UBAC2: variants seen among roughly 807,000 people sequenced by gnomAD.
UBAC2 encodes the protein UBA domain containing 2, also known as ubiquitin-associated domain-containing protein 2.
Under a neutral mutation model 44.0 loss-of-function variants are expected in UBAC2, and 26 were observed. The observed-to-expected ratio is 0.59, with a 90% confidence interval of 0.43 to 0.82. The LOEUF is 0.82. UBAC2 is among the 40% of genes least tolerant of loss of function. The pLI is 0.00. For missense variants in UBAC2, 329 were observed against 419.4 expected, an observed-to-expected ratio of 0.78 and a Z score of 1.88; for synonymous variants, 155 against 154.3, an observed-to-expected ratio of 1.00 and a Z score of -0.04.
intron 8 of UBAC2, among the ~76,000 whole-genome samples, chr13:99,383,092 G>A (rs1467604153): frequency 1.3e-5 from 2 of 152,228 alleles, no homozygotes; most frequent in African/African-American, 2.4e-5. Context: ...TCAGCCACCT[G>A]GCAGTGAGGC....
chr13:99,378,436 A>C (rs1273342064), intron 8 of UBAC2, among the ~76,000 whole-genome samples: 1 of 152,210 alleles, frequency 6.6e-6, no homozygotes, highest in Non-Finnish European at 1.5e-5. Flanking sequence ...CTGAGGCAGG[A>C]GAATGGCTTG....
At chr13:99,346,017 A>G (rs147946809) in intron 7 of UBAC2, among the ~76,000 whole-genome samples, 17 of 152,282 alleles carry the variant, frequency 1.1e-4, no homozygotes, top group African/African-American at 3.4e-4. Context: ...CTGGGATTAC[A>G]GGCGTGAGCC....
chr13:99,260,433 A>G (rs987122842), intron 4 of UBAC2, among the ~76,000 whole-genome samples: 4 of 152,166 alleles, frequency 2.6e-5, no homozygotes, highest in Admixed American at 2.0e-4. Context: ...GAATGGATAA[A>G]TGTCTGGGCC....
chr13:99,364,098 T>C (rs2045300261), intron 7 of UBAC2, among the ~76,000 whole-genome samples: 2 of 152,160 alleles, frequency 1.3e-5, no homozygotes, highest in South Asian at 2.1e-4. Context: ...ATTTGAATAA[T>C]GAGTTTTGTT....
chr13:99,241,171 C>T (rs780451316), intron 2 of UBAC2, among the ~76,000 whole-genome samples: 1 of 149,734 alleles, frequency 6.7e-6, no homozygotes, highest in African/African-American at 2.5e-5. Flanking sequence ...GGCTGAGCTG[C>T]GAGTATTGAT....
At chr13:99,222,470 A>C (rs1418818884) in intron 1 of UBAC2, among the ~76,000 whole-genome samples, 1 of 152,228 alleles carries the variant, frequency 6.6e-6, no homozygotes, top group African/African-American at 2.4e-5. Context: ...GTTGGTTGGT[A>C]TTAGTAGTTA....
chr13:99,200,889 G>A lies in UBAC2; in HGVS notation c.-20G>A, dbSNP rs750929509. The A allele has an allele frequency of 2.3e-6, 3 of 1,302,308 alleles. No individual in the cohort carries two copies. The highest frequency in any genetic ancestry group is 2.9e-5 in the South Asian group (1 of 35,008). 80.7% of individuals were successfully genotyped at this position (1,302,308 alleles called of 1,614,324 possible). A position where few individuals can be genotyped will look rare whatever the true frequency, so the allele number is the denominator to read the frequency against. On this transcript the variant is annotated 5_prime_UTR_variant, in exon 1 of 9. Coordinates refer to ENST00000403766, the MANE Select transcript of UBAC2 (RefSeq NM_001144072.2). ...TTCCCCTCCCCCGGCGCCCTCTGGG[G>A]CTCCGAGCCCGGCGGGACCATGTTC... is the stretch of plus-strand genomic sequence containing the variant.
intron 6 of UBAC2, among the ~76,000 whole-genome samples, chr13:99,330,555 C>T (rs1337681326): frequency 1.4e-5 from 2 of 145,848 alleles, no homozygotes; most frequent in African/African-American, 2.5e-5. Flanking sequence ...GGTAGCTTTT[C>T]TGTGGATTCC....
intron 1 of UBAC2, among the ~76,000 whole-genome samples, chr13:99,214,508 G>A (rs1055309725): frequency 2.0e-5 from 3 of 152,170 alleles, no homozygotes; most frequent in Non-Finnish European, 4.4e-5. Flanking sequence ...GTAGGTGGTG[G>A]TGGGGGAAGC....
chr13:99,208,276 C>T (rs1484558855), intron 1 of UBAC2, among the ~76,000 whole-genome samples: 4 of 152,200 alleles, frequency 2.6e-5, no homozygotes, highest in African/African-American at 4.8e-5. Flanking sequence ...GGATTACAGG[C>T]ATGAGCCACC....
intron 7 of UBAC2, among the ~76,000 whole-genome samples, chr13:99,342,940 G>A (rs2044914649): frequency 1.3e-5 from 2 of 152,360 alleles, no homozygotes; most frequent in Non-Finnish European, 2.9e-5. Context: ...TCTTTCAGCT[G>A]CCACTCATGT....
At chr13:99,252,135 A>AGCTTTCTTC (rs1247577102) in intron 4 of UBAC2, among the ~76,000 whole-genome samples, 1 of 152,238 alleles carries the variant, frequency 6.6e-6, no homozygotes, top group Admixed American at 6.5e-5. Context: ...CTGGTCATCC[A>AGCTTTCTTC]GCTTTCTTCG....
intron 8 of UBAC2, among the ~76,000 whole-genome samples, chr13:99,371,023 C>A (rs1360022693): frequency 6.6e-6 from 1 of 152,174 alleles, no homozygotes; most frequent in African/African-American, 2.4e-5. Context: ...CAGTGAGTCA[C>A]ATCCCTCATG....
At chr13:99,220,899 A>G (rs2043045943) in intron 1 of UBAC2, among the ~76,000 whole-genome samples, 1 of 152,130 alleles carries the variant, frequency 6.6e-6, no homozygotes, top group South Asian at 2.1e-4. Context: ...AAAAATTAAG[A>G]TCTCCCATGA....
intron 7 of UBAC2, among the ~76,000 whole-genome samples, chr13:99,359,120 A>C (rs1466402379): frequency 6.6e-6 from 1 of 152,198 alleles, no homozygotes; most frequent in Admixed American, 6.5e-5. Flanking sequence ...GCGTAGCTAG[A>C]GGGCTAGAAA....
At chr13:99,362,104 C>T (rs1214534594) in intron 7 of UBAC2, among the ~76,000 whole-genome samples, 6 of 152,144 alleles carry the variant, frequency 3.9e-5, no homozygotes, top group Admixed American at 6.5e-5. Context: ...ACATAAACTA[C>T]ATACAATTTA....
chr13:99,272,457 A>G (rs2043828038), intron 4 of UBAC2, among the ~76,000 whole-genome samples: 1 of 152,220 alleles, frequency 6.6e-6, no homozygotes, highest in African/African-American at 2.4e-5. Context: ...AGGAGCAGGA[A>G]TGTAGGGTCA....
At chr13:99,317,194 T>C (rs756787056) in intron 5 of UBAC2, among the ~76,000 whole-genome samples, 2 of 152,230 alleles carry the variant, frequency 1.3e-5, no homozygotes, top group Non-Finnish European at 2.9e-5. Flanking sequence ...GGTTTTCATC[T>C]AGCACAATGC....
chr13:99,208,630 T>C (rs1359671483), intron 1 of UBAC2, among the ~76,000 whole-genome samples: 2 of 152,192 alleles, frequency 1.3e-5, no homozygotes, highest in Non-Finnish European at 2.9e-5. Context: ...TTGGCAACCA[T>C]CTCTGTCCGA....
Sources: gnomAD v4.1 joint callset for allele counts (sites outside exome capture counted in the v4.1 genomes callset) on GRCh38, gnomAD v4.1.1 for gene constraint, MANE v1.5 for transcripts, NCBI Gene and HGNC (gene_info 2026-07-23, HGNC 2026-07-21) for gene names.